The following DOCK10 variants were observed in gnomAD, a reference collection of about 807,000 sequenced individuals.
The protein encoded by DOCK10 is dedicator of cytokinesis 10, also known as dedicator of cytokinesis protein 10.
DOCK10 carries 145 observed loss-of-function variants against 280.1 expected under a neutral mutation model. That is an observed-to-expected ratio of 0.52 (90% CI 0.45 to 0.59). The LOEUF (loss-of-function observed/expected upper bound fraction) is 0.59. DOCK10 is among the 20% of genes least tolerant of loss of function. The probability of loss-of-function intolerance (pLI) is 0.00; values close to 1 mark genes in which losing one functional copy is unlikely to be tolerated. For missense variants in DOCK10, 2,368 were observed against 2,651.7 expected, an observed-to-expected ratio of 0.89 and a Z score of 2.35; for synonymous variants, 915 against 942.2, an observed-to-expected ratio of 0.97 and a Z score of 0.53.
chr2:224,925,898 T>C (rs1387999883), intron 2 of DOCK10, among the ~76,000 whole-genome samples: 4 of 152,252 alleles, frequency 2.6e-5, no homozygotes, highest in African/African-American at 9.6e-5. Flanking sequence ...ATTCAATGTG[T>C]CCTTGAAACC....
chr2:224,983,891 G>A (rs1161988256), intron 1 of DOCK10: 1 of 470,720 alleles, frequency 2.1e-6, no homozygotes, highest in African/African-American at 2.0e-5. Context: ...GACTGCCCGG[G>A]TGCTAATCTA....
chr2:224,901,414 G>A (rs558827232), intron 3 of DOCK10, among the ~76,000 whole-genome samples: 1 of 152,308 alleles, frequency 6.6e-6, no homozygotes, highest in Non-Finnish European at 1.5e-5. Flanking sequence ...TTGAGCAAGA[G>A]CTTTCTGAGA....
At chr2:224,806,425 T>A (rs760457603) in intron 33 of DOCK10, among the ~76,000 whole-genome samples, 188 bp from the exon 34 acceptor site, 7 of 152,178 alleles carry the variant, frequency 4.6e-5, no homozygotes, top group Non-Finnish European at 7.4e-5. Context: ...GTAGTTATAA[T>A]TTGATTTATG....
intron 2 of DOCK10, among the ~76,000 whole-genome samples, chr2:224,923,214 T>G (rs1701866788): frequency 6.6e-6 from 1 of 152,240 alleles, no homozygotes; most frequent in Non-Finnish European, 1.5e-5. Flanking sequence ...TGTCTATTAC[T>G]TGATAGCAGT....
At chr2:224,862,482 A>G (rs1203991007) in intron 14 of DOCK10, 182 bp downstream of exon 14, 20 of 574,072 alleles carry the variant, frequency 3.5e-5, no homozygotes, top group Non-Finnish European at 5.9e-5. Context: ...CTGTATTGCT[A>G]AACTGTCTTG....
intron 22 of DOCK10, among the ~76,000 whole-genome samples, chr2:224,843,704 T>C (rs1009744665): frequency 6.6e-6 from 1 of 152,168 alleles, no homozygotes; most frequent in Non-Finnish European, 1.5e-5. Context: ...AAATACATAT[T>C]TTATGTACTT....
At chr2:224,841,699 T>C (rs1433965187) in intron 23 of DOCK10, 105 bp downstream of exon 23, 5 of 660,746 alleles carry the variant, frequency 7.6e-6, no homozygotes, top group South Asian at 2.1e-5. Flanking sequence ...TAAAAAATCT[T>C]GAGTAATAAT....
intron 13 of DOCK10, 110 bp downstream of exon 13, chr2:224,864,443 G>A (rs1489932206): frequency 9.4e-7 from 1 of 1,059,282 alleles, no homozygotes; most frequent in African/African-American, 1.6e-5. Flanking sequence ...CCAGGAGACA[G>A]AGGTTGCAGT....
At chr2:224,884,063 A>C (rs1699132132) in intron 7 of DOCK10, among the ~76,000 whole-genome samples, 1 of 152,230 alleles carries the variant, frequency 6.6e-6, no homozygotes, top group Admixed American at 6.5e-5. Flanking sequence ...CCAACAGTAG[A>C]AAATAGCCTC....
rs894255666 is a variant in DOCK10, at chr2:224,953,930, A to T, written c.124-22262T>A. On this transcript the variant is annotated intron_variant, in intron 1 of 55. Transcript: ENST00000258390. Reference sequence around the variant, plus strand: ...TGCATGTGGGAGTCTGTGTGTGCAGAGTGTGTGTGTGTGTGTGATGCATGC... The same window carrying T: ...TGCATGTGGGAGTCTGTGTGTGCAGTGTGTGTGTGTGTGTGTGATGCATGC... 9.7e-3 allele frequency among the ~76,000 whole-genome samples: 1,458 copies of T among 151,078 alleles called. 31 individuals carry two copies. Among genetic ancestry groups the T allele is most frequent in the African/African-American group, 0.033 (1,351 of 41,276 alleles).
At chr2:224,947,574 C>T (rs1018429611) in intron 1 of DOCK10, among the ~76,000 whole-genome samples, 1 of 152,204 alleles carries the variant, frequency 6.6e-6, no homozygotes, top group Non-Finnish European at 1.5e-5. Context: ...ATAGAATGCA[C>T]ACAGACATGG....
rs915509624 is a variant in DOCK10, at chr2:224,770,940, C to CT, written c.6205-296dup. Among the ~76,000 whole-genome samples, 4 of 149,058 alleles carry CT rather than the reference C, an allele frequency of 2.7e-5. No individual in the cohort carries two copies. The highest frequency in any genetic ancestry group is 1.3e-4 in the Admixed American group (2 of 14,990). On this transcript the variant is annotated intron_variant, in intron 53 of 55. Coordinates refer to ENST00000258390, the MANE Select transcript of DOCK10 (RefSeq NM_014689.3). This position sits in a 1 kb window ranked among gnomAD's most constrained non-coding sequence, Gnocchi z 4.5. The stretch of plus-strand genomic sequence containing the variant: ...TGCTTGAACTACTATTTTTTTCTTT[C>CT]TTTTTTTCTTTGTTAGAGACAGGGT...
chr2:225,027,905 T>A (rs1444904405), intron 1 of DOCK10, among the ~76,000 whole-genome samples: 1 of 152,226 alleles, frequency 6.6e-6, no homozygotes, highest in Non-Finnish European at 1.5e-5. Flanking sequence ...CAAAGCCACA[T>A]AAGCAGAGGG....
chr2:225,032,780 T>G (rs1690117283), intron 1 of DOCK10, among the ~76,000 whole-genome samples: 1 of 152,234 alleles, frequency 6.6e-6, no homozygotes, highest in Non-Finnish European at 1.5e-5. Flanking sequence ...ATTATCATAT[T>G]TCATTGAACA....
At chr2:224,816,479 G>C in intron 30 of DOCK10, 138 bp downstream of exon 30, 1 of 627,100 alleles carries the variant, frequency 1.6e-6, no homozygotes, top group Middle Eastern at 3.2e-4. Context: ...CTGATTACCT[G>C]GGTCTGATAC....
rs139494139 is a variant in DOCK10 at position 224,946,813 on chromosome 2, A to G, written c.124-15145T>C. On this transcript the variant is annotated intron_variant, in intron 1 of 55. Transcript: ENST00000258390. ...TTTGAAAGAAAGGATTGAAGGAAAG[A>G]TGGAAAGCAAAACATTGACATTTGG... 2.5e-4 allele frequency: 374 copies of G among 1,467,452 alleles called. 4 individuals carry two copies. The South Asian group carries it at 3.8e-3, about 15-fold the overall frequency. The allele number at this position is 1,467,452 out of a possible 1,614,324, so 90.9% of individuals were successfully genotyped here. A position where few individuals can be genotyped will look rare whatever the true frequency, so the allele number is the denominator to read the frequency against.
At chr2:224,961,412 C>CTTTCTTTTTCTTTCTTTCTTTCTT (rs57668925) in intron 1 of DOCK10, among the ~76,000 whole-genome samples, 26 of 119,462 alleles carry the variant, frequency 2.2e-4, no homozygotes, top group African/African-American at 8.4e-4. Flanking sequence ...TTCTTTCTTT[C>CTTTCTTTTTCTTTCTTTCTTTCTT]TCTTTCTTTC....
At chr2:224,886,664 GAGTGT>G in intron 4 of DOCK10, 133 bp from the exon 5 acceptor site, 1 of 675,686 alleles carries the variant, frequency 1.5e-6, no homozygotes, top group Non-Finnish European at 2.5e-6. Flanking sequence ...GTAATCTTTT[GAGTGT>G]CTCATTTCCT....
At chr2:224,964,987 T>C (rs1278392194) in intron 1 of DOCK10, among the ~76,000 whole-genome samples, 2 of 152,238 alleles carry the variant, frequency 1.3e-5, no homozygotes, top group Non-Finnish European at 2.9e-5. Context: ...ATACTTCTCT[T>C]TGATGGTTTA....
Sources: allele counts gnomAD v4.1 joint callset (sites outside exome capture counted in the v4.1 genomes callset), GRCh38; gene constraint gnomAD v4.1.1; non-coding constraint Gnocchi (gnomAD v3.1); transcripts MANE v1.5; gene names NCBI Gene and HGNC (gene_info 2026-07-23, HGNC 2026-07-21).